Variants in ITFG1 observed in about 807,000 individuals in gnomAD.
The protein encoded by ITFG1 is integrin alpha FG-GAP repeat containing 1.
Under a neutral mutation model 81.8 loss-of-function variants are expected in ITFG1, and 34 were observed. The ratio of observed to expected loss-of-function variants is 0.42; its 90% confidence interval spans 0.32 to 0.55. ITFG1 has a LOEUF of 0.55. Ranked by LOEUF, ITFG1 falls within the 20% of genes least tolerant of loss-of-function variation. ITFG1 has a pLI of 0.17. For missense variants in ITFG1, 672 were observed against 755.4 expected (o/e 0.89, Z 1.29); for synonymous variants, 285 against 270.6 (o/e 1.05, Z -0.52).
At chr16:47,218,087 T>C (rs1965647250) in intron 14 of ITFG1, 1 of 152,194 alleles carries the variant, frequency 6.6e-6, no homozygotes, top group African/African-American at 2.4e-5. Context: ...TGGGGTATAT[T>C]TGATTTAGTA....
At chr16:47,246,180 T>C (rs1966000322) in intron 12 of ITFG1, among the ~76,000 whole-genome samples, 2 of 152,212 alleles carry the variant, frequency 1.3e-5, no homozygotes, top group South Asian at 4.1e-4. Context: ...AAAAACTTGG[T>C]TCTTGCATCT....
intron 5 of ITFG1, chr16:47,448,037 A>G (rs1353782285): frequency 1.2e-4 from 19 of 152,148 alleles, no homozygotes; most frequent in Admixed American, 1.2e-3. Flanking sequence ...AATATAAATG[A>G]TCTCAAAGTT....
At chr16:47,299,835 G>C (rs1335644948) in intron 10 of ITFG1, 1 of 152,250 alleles carries the variant, frequency 6.6e-6, no homozygotes, top group Admixed American at 6.5e-5. Flanking sequence ...ACCCCTCCCA[G>C]CCCAATTCCA....
intron 14 of ITFG1, among the ~76,000 whole-genome samples, chr16:47,189,159 C>A (rs1965262417): frequency 6.6e-6 from 1 of 152,168 alleles, no homozygotes; most frequent in Non-Finnish European, 1.5e-5. Context: ...GCCTACTTCC[C>A]AGTTATACAT....
chr16:47,278,598 T>C (rs1383590186), intron 10 of ITFG1, among the ~76,000 whole-genome samples: 1 of 152,204 alleles, frequency 6.6e-6, no homozygotes, highest in African/African-American at 2.4e-5. Flanking sequence ...ATTTCACTGC[T>C]ATTCTGTGAC....
intron 8 of ITFG1, among the ~76,000 whole-genome samples, chr16:47,345,994 A>G (rs1397651965): frequency 2.6e-5 from 4 of 152,226 alleles, no homozygotes; most frequent in African/African-American, 9.6e-5. Flanking sequence ...AACTACCAGA[A>G]TTGAACTTCA....
chr16:47,396,985 G>C (rs1968601771), intron 6 of ITFG1, among the ~76,000 whole-genome samples: 1 of 152,158 alleles, frequency 6.6e-6, no homozygotes, highest in Non-Finnish European at 1.5e-5. Context: ...TCCAGAAGAT[G>C]TTATGTCTCC....
chr16:47,299,295 A>T (rs554661897), intron 10 of ITFG1, among the ~76,000 whole-genome samples: 1 of 152,260 alleles, frequency 6.6e-6, no homozygotes, highest in East Asian at 1.9e-4. Flanking sequence ...TGCAGGTGAG[A>T]GCCAGCTGCA....
intron 14 of ITFG1, among the ~76,000 whole-genome samples, chr16:47,180,764 G>C (rs147758069): frequency 0.12 from 17,701 of 151,584 alleles, 2,293 homozygotes; most frequent in African/African-American, 0.32. Context: ...CTGCCTTGGC[G>C]TCCCAAAGTG....
At chr16:47,441,936 G>A (rs1422839738) in intron 5 of ITFG1, among the ~76,000 whole-genome samples, 4 of 152,122 alleles carry the variant, frequency 2.6e-5, no homozygotes, top group Non-Finnish European at 4.4e-5. Flanking sequence ...AAACCCCATC[G>A]TCTCAGCACA....
chr16:47,191,288 C>T (rs1965289395), intron 14 of ITFG1, among the ~76,000 whole-genome samples: 1 of 152,178 alleles, frequency 6.6e-6, no homozygotes, highest in Non-Finnish European at 1.5e-5. Flanking sequence ...TTCCTATTTA[C>T]AGCAAGCCAC....
At chr16:47,318,692 A>G (rs1967403383) in intron 8 of ITFG1, among the ~76,000 whole-genome samples, 1 of 152,186 alleles carries the variant, frequency 6.6e-6, no homozygotes, top group Non-Finnish European at 1.5e-5. Flanking sequence ...TATTTTTATT[A>G]AGTTAAAATA....
upstream of ITFG1, chr16:47,461,153 A>T (rs926230212): frequency 1.7e-6 from 2 of 1,151,140 alleles, no homozygotes; most frequent in Admixed American, 2.9e-5. Flanking sequence ...GACGCGTAAG[A>T]GCCGCTGCCG....
At chr16:47,388,772 G>C (rs1233423438) in intron 6 of ITFG1, among the ~76,000 whole-genome samples, 1 of 152,152 alleles carries the variant, frequency 6.6e-6, no homozygotes, top group African/African-American at 2.4e-5. Context: ...TTGCTGCAAA[G>C]TGTGACCCCG....
chr16:47,419,790 A>T (rs1354769552), intron 6 of ITFG1, among the ~76,000 whole-genome samples: 1 of 151,404 alleles, frequency 6.6e-6, no homozygotes, highest in Non-Finnish European at 1.5e-5. Flanking sequence ...TTTAGTAGAG[A>T]TGAGGTTTCA....
At chr16:47,171,489 C>G (rs1389940378) in intron 14 of ITFG1, among the ~76,000 whole-genome samples, 1 of 151,984 alleles carries the variant, frequency 6.6e-6, no homozygotes, top group Non-Finnish European at 1.5e-5. Flanking sequence ...TTCAAAGAAC[C>G]AACTTTTGAT....
chr16:47,208,276 A>G (rs1442427678), intron 14 of ITFG1, among the ~76,000 whole-genome samples: 1 of 152,230 alleles, frequency 6.6e-6, no homozygotes, highest in Non-Finnish European at 1.5e-5. Context: ...TGTATGAATC[A>G]GATTCTTCAG....
At chr16:47,206,343 C>A (rs1288439980) in intron 14 of ITFG1, among the ~76,000 whole-genome samples, 1 of 152,164 alleles carries the variant, frequency 6.6e-6, no homozygotes, top group Non-Finnish European at 1.5e-5. Context: ...ATGGCTCAAG[C>A]CCTCATATCC....
intron 8 of ITFG1, among the ~76,000 whole-genome samples, chr16:47,350,362 T>C (rs1049437625): frequency 6.6e-6 from 1 of 151,830 alleles, no homozygotes; most frequent in Non-Finnish European, 1.5e-5. Context: ...ATAGACGCAA[T>C]AAAAAATGAT....
Sources: gnomAD v4.1 joint callset for allele counts (sites outside exome capture counted in the v4.1 genomes callset) on GRCh38, gnomAD v4.1.1 for gene constraint, MANE v1.5 for transcripts, NCBI Gene and HGNC (gene_info 2026-07-23, HGNC 2026-07-21) for gene names.